PCNX2: variants seen among roughly 807,000 people sequenced by gnomAD.
PCNX2 encodes pecanex-like protein 2.
A neutral mutation model predicts 223.8 loss-of-function variants in PCNX2; 168 were observed. The ratio of observed to expected loss-of-function variants is 0.75; its 90% CI spans 0.66 to 0.85. The LOEUF (loss-of-function observed/expected upper bound fraction) is 0.85, where lower values mean the gene tolerates loss of function less well. PCNX2 is among the 40% of genes least tolerant of loss of function. The probability of loss-of-function intolerance (pLI) is 0.00; values close to 1 mark genes in which losing one functional copy is unlikely to be tolerated. For synonymous variants in PCNX2, 1,006 were observed against 1,052.6 expected (o/e 0.96, Z 0.86); for missense variants, 2,507 against 2,675.5 (o/e 0.94, Z 1.39).
intron 17 of PCNX2, among the ~76,000 whole-genome samples, chr1:233,176,382 C>T (rs1251358306): frequency 6.6e-6 from 1 of 152,160 alleles, no homozygotes; most frequent in South Asian, 2.1e-4. Flanking sequence ...CGTGCTCCAC[C>T]CAGTGTGGTT....
At chr1:233,325,502 C>CA in the PCNX2 span, among the ~76,000 whole-genome samples, 56,371 of 137,992 alleles carry the variant, frequency 0.41, 11,665 homozygotes, top group Non-Finnish European at 0.46. Context: ...ACTAAAAATA[C>CA]AAAAAAAAAA....
At chr1:233,090,030 A>G in intron 23 of PCNX2, 31 bp downstream of exon 23, 2 of 1,612,636 alleles carry the variant, frequency 1.2e-6, no homozygotes, top group South Asian at 1.1e-5. Context: ...AACTGGAGAA[A>G]AGCAATTGAG....
At chr1:233,087,519 GA>G (rs1202243529) in intron 23 of PCNX2, among the ~76,000 whole-genome samples, 3 of 152,146 alleles carry the variant, frequency 2.0e-5, no homozygotes, top group Non-Finnish European at 4.4e-5. Flanking sequence ...TCTGCAGTCA[GA>G]ACACTAAAAC....
At chr1:233,104,276 C>T (rs917507979) in intron 21 of PCNX2, among the ~76,000 whole-genome samples, 4 of 152,020 alleles carry the variant, frequency 2.6e-5, no homozygotes, top group East Asian at 1.9e-4. Flanking sequence ...AAATAAAAAT[C>T]TTGTTAGATT....
At chr1:233,169,167 AT>A (rs1421264982) in intron 17 of PCNX2, among the ~76,000 whole-genome samples, 3 of 150,224 alleles carry the variant, frequency 2.0e-5, no homozygotes, top group Non-Finnish European at 4.4e-5. Flanking sequence ...AATTATTTAA[AT>A]TTTTCCACCT....
At chr1:233,037,593 G>T (rs927855331) in intron 25 of PCNX2, among the ~76,000 whole-genome samples, 9 of 151,858 alleles carry the variant, frequency 5.9e-5, no homozygotes, top group African/African-American at 2.2e-4. Context: ...TAATCCTCCC[G>T]GGATTACAGA....
At chr1:233,124,497 T>A (rs1443874114) in intron 21 of PCNX2, among the ~76,000 whole-genome samples, 2 of 152,206 alleles carry the variant, frequency 1.3e-5, no homozygotes, top group African/African-American at 4.8e-5. Flanking sequence ...GACCACCACC[T>A]TATTTCAGGA....
chr1:233,259,186 C>A lies in PCNX2; in HGVS notation c.676G>T (p.Gly226Cys). ...KPVATETLIN[G>C]KGKERGGKGQ... is the part of the protein sequence containing the mutation. ...TTGCCTCCTCTTTCCTTTCCTTTAC[C>A]ATTGATGAGAGTTTCTGTGGCAACT... is the stretch of plus-strand genomic sequence containing the variant. Residue 226 changes from glycine (G) to cysteine (C), a missense_variant, in exon 5 of 34, where the codon GGT (glycine) becomes TGT (cysteine). Physicochemically the swap from Gly to Cys is radical, Grantham distance 159. Transcript: ENST00000258229. 1.2e-6 allele frequency: 2 copies of A among 1,613,968 alleles called. No individual in the cohort carries two copies. Among genetic ancestry groups the A allele is most frequent in the Non-Finnish European group, 1.7e-6 (2 of 1,179,882 alleles).
At chr1:233,232,334 C>T (rs192500285) in intron 9 of PCNX2, among the ~76,000 whole-genome samples, 1 of 152,198 alleles carries the variant, frequency 6.6e-6, no homozygotes, top group Non-Finnish European at 1.5e-5. Context: ...GATGATTTTG[C>T]CCAGCTGTTG....
In PCNX2 at chr1:233,261,332, G is replaced by C; in HGVS notation, c.481-11C>G. On this transcript the variant is annotated splice_polypyrimidine_tract_variant and intron_variant, in intron 3 of 33. Transcript: ENST00000258229. ...CTGTGCTGACAACTCCTACACAAAT[G>C]AAAGAAACAAAAATCAATAGATGAC... 6.2e-7 allele frequency: 1 copy of C among 1,611,846 alleles called. No homozygotes were observed. The highest frequency in any genetic ancestry group is 8.5e-7 in the Non-Finnish European group (1 of 1,178,524).
At chr1:233,270,165 G>T (rs1178482238) in intron 1 of PCNX2, among the ~76,000 whole-genome samples, 2 of 152,068 alleles carry the variant, frequency 1.3e-5, no homozygotes, top group Non-Finnish European at 2.9e-5. Context: ...ATAATTCCTT[G>T]AGGGATTGAG....
chr1:233,276,873 C>T (rs1660943514), intron 1 of PCNX2, among the ~76,000 whole-genome samples: 1 of 152,200 alleles, frequency 6.6e-6, no homozygotes, highest in Non-Finnish European at 1.5e-5. Flanking sequence ...CTGCAACAGG[C>T]AAACATTTGT....
intron 10 of PCNX2, 61 bp from the exon 11 acceptor site, chr1:233,218,245 C>T (rs1158620451): frequency 8.1e-6 from 7 of 860,092 alleles, no homozygotes; most frequent in Middle Eastern, 4.8e-4. Flanking sequence ...GTAAGTTTTG[C>T]CTTTTTTTTT....
Position 233,284,045 on chromosome 1 carries a change from C to G in PCNX2, c.153+11281G>C, listed in dbSNP as rs930190817. Among the ~76,000 whole-genome samples, 14 of 152,264 alleles carry G rather than the reference C, an allele frequency of 9.2e-5. No homozygotes were observed. The East Asian group carries it at 2.7e-3, about 29-fold the overall frequency. On this transcript the variant is annotated intron_variant, in intron 1 of 33. Coordinates refer to ENST00000258229, the MANE Select transcript of PCNX2 (RefSeq NM_014801.4). The stretch of plus-strand genomic sequence containing the variant: ...CACTGACACAGAGGCTTAGATAACT[C>G]ATTTTAGAATAAGAACAATCAAGAT...
At chr1:233,100,284 G>A (rs967634581) in intron 21 of PCNX2, among the ~76,000 whole-genome samples, 17 of 151,860 alleles carry the variant, frequency 1.1e-4, no homozygotes, top group African/African-American at 3.4e-4. Flanking sequence ...GTGGTGGCTC[G>A]CACCTATAAT....
chr1:233,071,984 T>G (rs988883128), intron 23 of PCNX2, among the ~76,000 whole-genome samples: 2 of 152,236 alleles, frequency 1.3e-5, no homozygotes, highest in Non-Finnish European at 2.9e-5. Flanking sequence ...GCCCACTTTT[T>G]AATGGGGTTG....
intron 23 of PCNX2, among the ~76,000 whole-genome samples, chr1:233,073,055 C>A (rs759190077): frequency 6.6e-6 from 1 of 152,012 alleles, no homozygotes; most frequent in Non-Finnish European, 1.5e-5. Context: ...CTGATTAATT[C>A]TTTTTATTAT....
the PCNX2 span, among the ~76,000 whole-genome samples, chr1:233,303,162 G>A: frequency 6.6e-6 from 1 of 151,924 alleles, no homozygotes; most frequent in Non-Finnish European, 1.5e-5. Context: ...CATAAATCAA[G>A]CCTCAATAAA....
chr1:233,270,991 G>C (rs1660612384), intron 1 of PCNX2, among the ~76,000 whole-genome samples: 1 of 152,150 alleles, frequency 6.6e-6, no homozygotes, highest in Non-Finnish European at 1.5e-5. Context: ...AATATTGAAT[G>C]GATAACTTAG....
Sources: gnomAD v4.1 joint callset for allele counts (sites outside exome capture counted in the v4.1 genomes callset) on GRCh38, gnomAD v4.1.1 for gene constraint, MANE v1.5 for transcripts, NCBI Gene and HGNC (gene_info 2026-07-23, HGNC 2026-07-21) for gene names.